Variants in PIEZO1 observed in about 807,000 individuals in gnomAD.
The protein encoded by PIEZO1 is piezo-type mechanosensitive ion channel component 1.
Under a neutral mutation model 297.2 loss-of-function variants are expected in PIEZO1, and 296 were observed. That is an observed-to-expected ratio of 1.00 (90% CI 0.91 to 1.10). PIEZO1 has a LOEUF of 1.10. Among genes scored for constraint, PIEZO1 ranks in the 50% least tolerant of loss-of-function variants. PIEZO1 has a pLI of 0.00. For missense variants in PIEZO1, 5,018 were observed against 3,455.5 expected, an observed-to-expected ratio of 1.45 and a Z score of -11.34; for synonymous variants, 2,427 against 1,507.5, an observed-to-expected ratio of 1.61 and a Z score of -14.13.
intron 22 of PIEZO1, chr16:88,727,913 C>A (rs771441242): frequency 3.0e-6 from 1 of 328,106 alleles, no homozygotes; most frequent in Non-Finnish European, 5.5e-6. Context: ...GGGGTGGGGG[C>A]TGCTGGGCCT....
intron 1 of PIEZO1, among the ~76,000 whole-genome samples, chr16:88,765,689 G>C (rs1294634403): frequency 2.6e-5 from 2 of 76,344 alleles, no homozygotes; most frequent in East Asian, 8.5e-4. Flanking sequence ...TTTTTTTTTT[G>C]AGACAGAGTC....
chr16:88,717,441 G>C, intron 44 of PIEZO1: 1 of 634,700 alleles, frequency 1.6e-6, no homozygotes, highest in Non-Finnish European at 2.9e-6. Context: ...TGACCGTTCA[G>C]TGGGAACGGA....
At chr16:88,784,866 C>G (rs1323106057) in intron 1 of PIEZO1, 35 bp downstream of exon 1, 4 of 1,390,262 alleles carry the variant, frequency 2.9e-6, no homozygotes, top group East Asian at 3.3e-5. Context: ...ACGCAGCCCC[C>G]TCCCGTCGCC....
At position 88,742,038 on chromosome 16, in the gene PIEZO1, G is replaced by C; in HGVS notation, c.326+15C>G. ...AGGGAGGCTTGCTGGTTGGGGGTGG[G>C]AGGAATGGTCTTACCTTGTGACCCC... On this transcript the variant is annotated intron_variant, in intron 4 of 50. Transcript: ENST00000301015. The C allele has an allele frequency of 1.3e-6, 2 of 1,535,858 alleles. No individual in the cohort carries two copies. The highest frequency in any genetic ancestry group is 1.7e-6 in the Non-Finnish European group (2 of 1,146,542).
Position 88,735,042 on chromosome 16 carries a change from T to C in PIEZO1, c.1681A>G (p.Thr561Ala). 1 of 1,550,390 alleles carries C rather than the reference T, an allele frequency of 6.4e-7. No homozygotes were observed. The highest frequency in any genetic ancestry group is 8.7e-7 in the Non-Finnish European group (1 of 1,146,938). Residue 561 changes from threonine to alanine, a missense_variant, in exon 14 of 51, where the codon ACG becomes GCG. Physicochemically the swap from Thr to Ala is moderately conservative, Grantham distance 58. Transcript: ENST00000301015. Reference protein sequence around the residue: ...VTVADTEPTRTQTLLQSLGEL... With the variant: ...VTVADTEPTRAQTLLQSLGEL... ...CCCAGGCTCTGCAACAGCGTCTGCGTCCGCGTGGGCTCTGTGGGCCAAGCC... is the reference window on the plus strand; with the variant it reads ...CCCAGGCTCTGCAACAGCGTCTGCGCCCGCGTGGGCTCTGTGGGCCAAGCC...
chr16:88,753,701 G>A (rs906884338), intron 1 of PIEZO1, among the ~76,000 whole-genome samples: 1 of 152,342 alleles, frequency 6.6e-6, no homozygotes, highest in Admixed American at 6.5e-5. Flanking sequence ...GGATCTACCT[G>A]TGCTGTCTAT....
chr16:88,735,050 G>A lies in PIEZO1; in HGVS notation c.1673C>T (p.Pro558Leu), dbSNP rs1365873477. Residue 558 changes from proline (P) to leucine (L), a missense_variant, in exon 14 of 51, where the codon CCC (proline) becomes CTC (leucine). Pro to Leu is a moderately conservative substitution (Grantham distance 98). Transcript: ENST00000301015. Reference protein sequence around the residue: ...LTEVTVADTEPTRTQTLLQSL... With the variant: ...LTEVTVADTELTRTQTLLQSL... ...CTGCAACAGCGTCTGCGTCCGCGTG[G>A]GCTCTGTGGGCCAAGCCAGGGGCAG... 5 of 1,550,224 alleles carry A rather than the reference G, an allele frequency of 3.2e-6. No homozygotes were observed. Among genetic ancestry groups the A allele is most frequent in the African/African-American group, 2.7e-5 (2 of 73,064 alleles).
At chr16:88,760,828 T>TG (rs1906900538) in intron 1 of PIEZO1, among the ~76,000 whole-genome samples, 1 of 152,240 alleles carries the variant, frequency 6.6e-6, no homozygotes, top group Non-Finnish European at 1.5e-5. Flanking sequence ...GCCAGCAGCC[T>TG]GGGGCACTGA....
rs536298148 is a variant in PIEZO1, at chr16:88,725,179, G to A, written c.4163-99C>T. 3.5e-4 allele frequency: 295 copies of A among 844,708 alleles called. 1 individual carries two copies. The African/African-American group carries it at 4.6e-3, about 13-fold the overall frequency. The allele number at this position is 844,708 out of a possible 1,614,324, so 52.3% of individuals were successfully genotyped here. ...CTTGGAGACAGGATAGGTGGAGACA[G>A]ACACGGACACCCACAGTGACGGGGG... On this transcript the variant is annotated intron_variant, in intron 29 of 50. Coordinates refer to ENST00000301015, the MANE Select transcript of PIEZO1 (RefSeq NM_001142864.4).
At chr16:88,726,683 G>GT in intron 25 of PIEZO1, 32 bp downstream of exon 25, 1 of 1,546,054 alleles carries the variant, frequency 6.5e-7, no homozygotes, top group South Asian at 1.2e-5. Context: ...CGGGGCCCCA[G>GT]GGCGGTGGGT....
Position 88,720,469 on chromosome 16 carries a change from G to C in PIEZO1, c.5865C>G (p.Arg1955=), listed in dbSNP as rs367814129. ...FFHDILHTKY[R]AATDVYALMF... ...TGAGGGCATAGACGTCGGTGGCTGCGCGGTACTTGGTGTGCAGGATGTCGT... is the reference window on the plus strand; with the variant it reads ...TGAGGGCATAGACGTCGGTGGCTGCCCGGTACTTGGTGTGCAGGATGTCGT... The change falls in exon 41 of 51, where the codon CGC becomes CGG. Residue 1955 remains arginine, a synonymous_variant. Coordinates refer to ENST00000301015, the MANE Select transcript of PIEZO1 (RefSeq NM_001142864.4). The C allele has an allele frequency of 6.4e-7, 1 of 1,550,390 alleles. No individual in the cohort carries two copies. The highest frequency in any genetic ancestry group is 1.4e-5 in the African/African-American group (1 of 73,134).
rs956323763 is a variant in PIEZO1 at position 88,721,582 on chromosome 16, G to A, written c.5359C>T (p.Leu1787=). 1.7e-5 allele frequency: 26 copies of A among 1,550,188 alleles called. No individual in the cohort carries two copies. Among genetic ancestry groups the A allele is most frequent in the African/African-American group, 1.4e-4 (10 of 73,054 alleles). The change falls in exon 38 of 51, where the codon CTG becomes TTG. Residue 1787 remains leucine, a synonymous_variant. Coordinates refer to ENST00000301015, the MANE Select transcript of PIEZO1 (RefSeq NM_001142864.4). ...AAGAAAAGGGCCATGAGCTGCACCA[G>A]GTCGTACTTGATGTAGCCGTCAGTC... is the stretch of plus-strand genomic sequence containing the variant. ...EKTDGYIKYD[L]VQLMALFFHR... is the part of the protein sequence containing the mutation.
intron 2 of PIEZO1, among the ~76,000 whole-genome samples, chr16:88,747,813 G>T (rs1218533630): frequency 2.6e-5 from 4 of 152,186 alleles, no homozygotes; most frequent in African/African-American, 9.6e-5. Flanking sequence ...AAGCCACAGG[G>T]TTACCGCAGG....
At position 88,737,518 on chromosome 16, in the gene PIEZO1, C is replaced by CT. The variant is rs768343243; in HGVS notation, c.1195+40_1195+41insA. The CT allele has an allele frequency of 1.0e-5, 13 of 1,298,262 alleles. No individual in the cohort carries two copies. The Admixed American group carries it at 1.4e-4, about 14-fold the overall frequency. The allele number at this position is 1,298,262 out of a possible 1,614,324, so 80.4% of individuals were successfully genotyped here. ...GGGGGCAGCACCGGCCTCCGCCCCGCCCCCCGCACCCAGCCATACCTTGCA... is the reference window on the plus strand; with the variant it reads ...GGGGGCAGCACCGGCCTCCGCCCCGCTCCCCCGCACCCAGCCATACCTTGCA... On this transcript the variant is annotated intron_variant, in intron 10 of 50. Coordinates refer to ENST00000301015, the MANE Select transcript of PIEZO1 (RefSeq NM_001142864.4).
At chr16:88,721,757 G>C in intron 37 of PIEZO1, 31 bp from the exon 38 acceptor site, 1 of 1,534,480 alleles carries the variant, frequency 6.5e-7, no homozygotes, top group South Asian at 1.2e-5. Context: ...CACGCGGGGA[G>C]GGTCACGGCG....
intron 21 of PIEZO1, 51 bp from the exon 22 acceptor site, chr16:88,731,961 G>GGCGGGGC (rs1555555069): frequency 7.0e-6 from 2 of 285,614 alleles, no homozygotes; most frequent in East Asian, 7.9e-5. Flanking sequence ...CTGGGGGGAG[G>GGCGGGGC]GACTTTCTTG....
In PIEZO1 at chr16:88,721,999, G is replaced by T; in HGVS notation, c.5023C>A (p.Leu1675Met). The stretch of plus-strand genomic sequence containing the variant: ...ACACACTGGTACACGGCCCGCAGCA[G>T]CCGCAGCGCCCGGCCCTGCCCCTCC... ...FAEGQGRALR[L>M]LRAVYQCVAA... The change falls in exon 37 of 51, where the codon CTG (leucine) becomes ATG (methionine). Residue 1675 changes from leucine (L) to methionine (M), a missense_variant. Transcript: ENST00000301015. 6.5e-7 allele frequency: 1 copy of T among 1,549,344 alleles called. No individual in the cohort carries two copies. Among genetic ancestry groups the T allele is most frequent in the Non-Finnish European group, 8.7e-7 (1 of 1,146,738 alleles).
In PIEZO1 at chr16:88,715,399, C is replaced by A; in HGVS notation, c.*206G>T. The A allele has an allele frequency of 1.0e-6, 1 of 1,003,916 alleles. No individual in the cohort carries two copies. Among genetic ancestry groups the A allele is most frequent in the Non-Finnish European group, 1.4e-6 (1 of 698,132 alleles). 62.2% of individuals were successfully genotyped at this position (1,003,916 alleles called of 1,614,324 possible). On this transcript the variant is annotated 3_prime_UTR_variant, in exon 51 of 51. Transcript: ENST00000301015. ...ATTAAAAAAAAAACTCTACAGTACA[C>A]GTGGGGGACGGCAGCGCCACGCAGG...
chr16:88,745,886 G>C (rs1906024102), intron 2 of PIEZO1: 1 of 152,246 alleles, frequency 6.6e-6, no homozygotes, highest in African/African-American at 2.4e-5. Flanking sequence ...CCCAGAGCCG[G>C]AGCCCTTGGA....
Sources: allele counts gnomAD v4.1 joint callset (sites outside exome capture counted in the v4.1 genomes callset), GRCh38; gene constraint gnomAD v4.1.1; transcripts MANE v1.5; gene names NCBI Gene and HGNC (gene_info 2026-07-23, HGNC 2026-07-21).